Variants in FMN1 observed in about 807,000 individuals in gnomAD.
FMN1 encodes the protein formin 1, also known as formin-1.
FMN1 carries 110 observed loss-of-function variants against 132.4 expected under a neutral mutation model. That is an observed-to-expected ratio of 0.83 (90% CI 0.71 to 0.97). The LOEUF (loss-of-function observed/expected upper bound fraction) is 0.97. Among genes scored for constraint, FMN1 ranks in the 50% least tolerant of loss-of-function variants. The probability of loss-of-function intolerance (pLI) is 0.00; values close to 1 mark genes in which losing one functional copy is unlikely to be tolerated. For missense variants in FMN1, 1,792 were observed against 1,705.3 expected, an observed-to-expected ratio of 1.05 and a Z score of -0.90; for synonymous variants, 722 against 651.7, an observed-to-expected ratio of 1.11 and a Z score of -1.64.
chr15:32,838,739 A>C (rs1022715870), intron 17 of FMN1, among the ~76,000 whole-genome samples: 1 of 152,240 alleles, frequency 6.6e-6, no homozygotes, highest in Admixed American at 6.5e-5. Context: ...TAATGAGAAA[A>C]AAATCAAGGC....
At chr15:33,016,798 C>G (rs1483021061) in intron 6 of FMN1, among the ~76,000 whole-genome samples, 2 of 152,212 alleles carry the variant, frequency 1.3e-5, no homozygotes, top group Non-Finnish European at 2.9e-5. Flanking sequence ...CCTGGGCGAT[C>G]TGATAGTAAA....
Position 33,029,896 on chromosome 15 carries a change from G to A in FMN1, c.2162-21821C>T, listed in dbSNP as rs112016280. Reference sequence around the variant, plus strand: ...TCAAAGGCCAGGTGCGGTGGCTCACGCCTGTAATCCCAGCACTTTCGGAGA... The same window carrying A: ...TCAAAGGCCAGGTGCGGTGGCTCACACCTGTAATCCCAGCACTTTCGGAGA... On this transcript the variant is annotated intron_variant, in intron 6 of 20. Transcript: ENST00000616417. Among the ~76,000 whole-genome samples the A allele has an allele frequency of 4.1e-3, 622 of 152,296 alleles. 2 individuals are homozygous for A. Among genetic ancestry groups the A allele is most frequent in the African/African-American group, 0.014 (602 of 41,556 alleles).
chr15:33,020,927 T>G (rs756693195), intron 6 of FMN1, among the ~76,000 whole-genome samples: 1 of 152,254 alleles, frequency 6.6e-6, no homozygotes, highest in African/African-American at 2.4e-5. Context: ...TAACAAATAT[T>G]TAATCTGCTT....
intron 2 of FMN1, among the ~76,000 whole-genome samples, chr15:33,182,260 C>T (rs1286914601): frequency 6.6e-6 from 1 of 152,210 alleles, no homozygotes; most frequent in Non-Finnish European, 1.5e-5. Context: ...AAGTCTGGCT[C>T]ATTCAAGTGG....
chr15:32,833,503 G>A (rs1231952278), intron 17 of FMN1, among the ~76,000 whole-genome samples: 2 of 152,088 alleles, frequency 1.3e-5, no homozygotes, highest in East Asian at 3.9e-4. Context: ...CCCAATATTA[G>A]TCCATACAGG....
chr15:33,168,471 T>G (rs556279544), intron 3 of FMN1, among the ~76,000 whole-genome samples: 6 of 152,336 alleles, frequency 3.9e-5, no homozygotes, highest in African/African-American at 1.4e-4. Context: ...CCTGAAAGTA[T>G]GTTAGTGCTC....
chr15:33,085,154 G>T (rs1300389408), intron 5 of FMN1, among the ~76,000 whole-genome samples: 1 of 152,040 alleles, frequency 6.6e-6, no homozygotes, highest in Non-Finnish European at 1.5e-5. Flanking sequence ...GTGCTGTTTG[G>T]TTACATGAGT....
rs537589578 is a variant in FMN1 at position 32,791,856 on chromosome 15, C to T, written c.4130+6948G>A. 8.6e-5 allele frequency among the ~76,000 whole-genome samples: 13 copies of T among 151,912 alleles called. No individual in the cohort carries two copies. The South Asian group carries it at 1.0e-3, about 12-fold the overall frequency. On this transcript the variant is annotated intron_variant, in intron 19 of 20. Transcript: ENST00000616417. The stretch of plus-strand genomic sequence containing the variant: ...TAGTTGAGATGGAATAATTTCCAAC[C>T]GAGACATATTGAATTGCAGATGAAG...
At chr15:32,785,218 ATTTTTTTTTTT>A (rs1230723314) in intron 19 of FMN1, among the ~76,000 whole-genome samples, 1 of 39,202 alleles carries the variant, frequency 2.6e-5, no homozygotes, top group Non-Finnish European at 4.5e-5. Flanking sequence ...ATATATATAT[ATTTTTTTTTTT>A]TTTTTTTTGT....
chr15:33,055,450 TAC>T (rs375322215), intron 6 of FMN1, among the ~76,000 whole-genome samples: 4,107 of 152,092 alleles, frequency 0.027, 81 homozygotes, highest in Non-Finnish European at 0.043. Context: ...GTTTTGTGTT[TAC>T]ACAGTCATTA....
rs552817604 is a variant in FMN1, at chr15:33,027,072, TA to T, written c.2162-18998del. On this transcript the variant is annotated intron_variant, in intron 6 of 20. Coordinates refer to ENST00000616417, the MANE Select transcript of FMN1 (RefSeq NM_001277313.2). ...TAAAGACAAGAAAGCCTAACAGACA[TA>T]TTTTTTTTTTAATGCAAAAGTTTGG... Among the ~76,000 whole-genome samples, 52 of 151,778 alleles carry T rather than the reference TA, an allele frequency of 3.4e-4. No individual in the cohort carries two copies. In the South Asian group the frequency reaches 6.8e-3, roughly 20 times the overall value.
At chr15:33,068,643 C>G (rs976158151) in intron 5 of FMN1, among the ~76,000 whole-genome samples, 2 of 142,182 alleles carry the variant, frequency 1.4e-5, no homozygotes, top group African/African-American at 5.1e-5. Flanking sequence ...TTTTTAAGTG[C>G]TTTCTTCCGC....
intron 6 of FMN1, among the ~76,000 whole-genome samples, chr15:33,058,878 C>G (rs1444764545): frequency 6.6e-6 from 1 of 152,202 alleles, no homozygotes; most frequent in Non-Finnish European, 1.5e-5. Context: ...CATCACCTTT[C>G]TTGCGTATCA....
At chr15:32,926,759 C>T (rs929782101) in intron 9 of FMN1, among the ~76,000 whole-genome samples, 21 of 152,122 alleles carry the variant, frequency 1.4e-4, no homozygotes, top group Non-Finnish European at 2.2e-4. Context: ...GAATTGATTT[C>T]CTCATCATGA....
intron 6 of FMN1, among the ~76,000 whole-genome samples, chr15:33,046,891 G>A (rs949517054): frequency 1.3e-5 from 2 of 152,122 alleles, no homozygotes; most frequent in African/African-American, 4.8e-5. Flanking sequence ...TTTCTGCACG[G>A]TTCTATCATA....
intron 4 of FMN1, 129 bp from the exon 5 acceptor site, chr15:33,089,103 T>C: frequency 1.4e-6 from 1 of 734,660 alleles, no homozygotes; most frequent in East Asian, 2.8e-5. Flanking sequence ...AGTTATATTT[T>C]TAAGAGACTG....
intron 16 of FMN1, among the ~76,000 whole-genome samples, chr15:32,879,388 A>C (rs1374760183): frequency 2.0e-5 from 3 of 152,150 alleles, no homozygotes; most frequent in Non-Finnish European, 4.4e-5. Context: ...GTGAAGGAGG[A>C]AAGAGCTAAT....
At position 33,057,645 on chromosome 15, in the gene FMN1, C is replaced by G. The variant is rs887531295; in HGVS notation, c.2161+7312G>C. 3.3e-5 allele frequency among the ~76,000 whole-genome samples: 5 copies of G among 152,144 alleles called. No individual in the cohort carries two copies. In the South Asian group the frequency reaches 1.0e-3, roughly 32 times the overall value. On this transcript the variant is annotated intron_variant, in intron 6 of 20. Transcript: ENST00000616417. Reference sequence around the variant, plus strand: ...CCCCTGCAGTAAAAGTAATGTCAAACTTAATTATTTCTTCAGGACTTTCCC... The same window carrying G: ...CCCCTGCAGTAAAAGTAATGTCAAAGTTAATTATTTCTTCAGGACTTTCCC...
intron 6 of FMN1, among the ~76,000 whole-genome samples, chr15:33,032,752 C>T (rs933790006): frequency 2.0e-5 from 3 of 152,108 alleles, no homozygotes; most frequent in African/African-American, 2.4e-5. Flanking sequence ...ACAGAGCTGA[C>T]GCAGTAAAGC....
Sources: gnomAD v4.1 joint callset for allele counts (sites outside exome capture counted in the v4.1 genomes callset) on GRCh38, gnomAD v4.1.1 for gene constraint, MANE v1.5 for transcripts, NCBI Gene and HGNC (gene_info 2026-07-23, HGNC 2026-07-21) for gene names.